The following TPO variants were observed in gnomAD, a reference collection of about 807,000 sequenced individuals.
TPO encodes the protein thyroid microsomal antigen.
A neutral mutation model predicts 96.9 loss-of-function variants in TPO; 78 were observed. The ratio of observed to expected loss-of-function variants is 0.81; its 90% CI spans 0.67 to 0.97. The LOEUF (loss-of-function observed/expected upper bound fraction) is 0.97, where lower values mean the gene tolerates loss of function less well. Among genes scored for constraint, TPO ranks in the 50% least tolerant of loss-of-function variants. The probability of loss-of-function intolerance (pLI) is 0.00; values close to 1 mark genes in which losing one functional copy is unlikely to be tolerated. For missense variants in TPO, 1,252 were observed against 1,274.8 expected (o/e 0.98, Z 0.27); for synonymous variants, 547 against 538.0 (o/e 1.02, Z -0.23).
intron 7 of TPO, among the ~76,000 whole-genome samples, chr2:1,468,053 C>G (rs1003886599): frequency 6.6e-6 from 1 of 151,576 alleles, no homozygotes; most frequent in Non-Finnish European, 1.5e-5. Flanking sequence ...CTTCTTCTAC[C>G]CCTTTACCTT....
chr2:1,503,794 G>T, intron 13 of TPO, 154 bp from the exon 14 acceptor site: 1 of 1,400,118 alleles, frequency 7.1e-7, no homozygotes, highest in Non-Finnish European at 9.9e-7. Context: ...GATGTGCCGG[G>T]AGCAGGGGGC....
chr2:1,376,964 ATTACT>A (rs1661732288), intron 1 of TPO, among the ~76,000 whole-genome samples: 1 of 152,170 alleles, frequency 6.6e-6, no homozygotes, highest in African/African-American at 2.4e-5. Flanking sequence ...TTACTTAAAA[ATTACT>A]TTATATTTGG....
At chr2:1,478,028 AACCC>A in intron 8 of TPO, 1 of 985,408 alleles carries the variant, frequency 1.0e-6, no homozygotes, top group Non-Finnish European at 1.2e-6. Context: ...TTCCCAGAAC[AACCC>A]TTGGAGGTGG....
At chr2:1,437,103 G>C (rs1035744178) in intron 5 of TPO, among the ~76,000 whole-genome samples, 19 of 152,238 alleles carry the variant, frequency 1.2e-4, no homozygotes, top group Non-Finnish European at 1.5e-5. Flanking sequence ...ATATGCGAGT[G>C]AGCCAAATCT....
chr2:1,406,186 T>C (rs1662246906), intron 1 of TPO, among the ~76,000 whole-genome samples: 1 of 152,184 alleles, frequency 6.6e-6, no homozygotes, highest in South Asian at 2.1e-4. Context: ...CTCTAGAAAT[T>C]ACTTAAGTGT....
At chr2:1,520,245 C>T (rs1396013174) in intron 15 of TPO, among the ~76,000 whole-genome samples, 6 of 152,212 alleles carry the variant, frequency 3.9e-5, no homozygotes, top group Non-Finnish European at 1.5e-5. Context: ...ATTCTGCTCC[C>T]AGCAAATGGG....
intron 15 of TPO, among the ~76,000 whole-genome samples, chr2:1,519,152 C>T (rs997715682): frequency 2.6e-5 from 4 of 152,246 alleles, no homozygotes; most frequent in African/African-American, 9.6e-5. Flanking sequence ...ATGTGGACTC[C>T]TGCCTCCAGA....
At chr2:1,415,758 C>T (rs1573084959) in intron 2 of TPO, among the ~76,000 whole-genome samples, 1 of 152,230 alleles carries the variant, frequency 6.6e-6, no homozygotes. Flanking sequence ...GGACTGGAGG[C>T]CTTGTCTGTC....
rs1317660348 is a variant in TPO at position 1,494,013 on chromosome 2, G to A, written c.1980G>A (p.Gln660=). 1 of 1,614,168 alleles carries A rather than the reference G, an allele frequency of 6.2e-7. No individual in the cohort carries two copies. Among genetic ancestry groups the A allele is most frequent in the South Asian group, 1.1e-5 (1 of 91,088 alleles). ...GPLFACLIGK[Q]MKALRDGDWF... ...TGTTTGCCTGTCTCATTGGGAAGCAGATGAAGGCTCTGCGGGACGGTGACT... is the reference window on the plus strand; with the variant it reads ...TGTTTGCCTGTCTCATTGGGAAGCAAATGAAGGCTCTGCGGGACGGTGACT... Residue 660 remains glutamine, a synonymous_variant, in exon 11 of 17, where the codon CAG becomes CAA. Transcript: ENST00000329066.
intron 2 of TPO, among the ~76,000 whole-genome samples, chr2:1,422,817 G>A (rs1663902760): frequency 6.6e-6 from 1 of 152,238 alleles, no homozygotes; most frequent in African/African-American, 2.4e-5. Flanking sequence ...AAGGTGAGTA[G>A]CTCTGATCCC....
At chr2:1,385,145 A>T (rs1159924678) in intron 1 of TPO, among the ~76,000 whole-genome samples, 1 of 152,190 alleles carries the variant, frequency 6.6e-6, no homozygotes, top group African/African-American at 2.4e-5. Context: ...ATCAGTGTTC[A>T]TCAGGGATAT....
At chr2:1,423,460 C>T (rs1446821499) in intron 3 of TPO, among the ~76,000 whole-genome samples, 1 of 152,116 alleles carries the variant, frequency 6.6e-6, no homozygotes. Context: ...AAAAGAGAGA[C>T]CTAGATCCCA....
chr2:1,542,581 C>A lies in TPO; in HGVS notation c.*107C>A. On this transcript the variant is annotated 3_prime_UTR_variant, in exon 17 of 17. Coordinates refer to ENST00000329066, the MANE Select transcript of TPO (RefSeq NM_001206744.2). ...GAAATCAGCAGGACGACTGTTTTCC[C>A]AACACGGGTAAATCTAGTACCATGT... The A allele has an allele frequency of 1.9e-6, 3 of 1,568,220 alleles. No individual in the cohort carries two copies. The highest frequency in any genetic ancestry group is 4.7e-5 in the East Asian group (2 of 42,546).
chr2:1,382,398 G>A (rs1415669804), intron 1 of TPO, among the ~76,000 whole-genome samples: 1 of 152,188 alleles, frequency 6.6e-6, no homozygotes, highest in Non-Finnish European at 1.5e-5. Context: ...TGGAAGCAGA[G>A]AGAAGGGGGC....
chr2:1,480,604 A>ACACACACC (rs1670465094), intron 8 of TPO, among the ~76,000 whole-genome samples: 1 of 141,434 alleles, frequency 7.1e-6, no homozygotes, highest in Non-Finnish European at 1.5e-5. Flanking sequence ...ACACACACAC[A>ACACACACC]CGAGCCAGCC....
intron 15 of TPO, among the ~76,000 whole-genome samples, chr2:1,537,917 C>T (rs1680217691): frequency 7.6e-6 from 1 of 131,762 alleles, no homozygotes; most frequent in African/African-American, 2.8e-5. Flanking sequence ...TGCAACCTGC[C>T]CAATTTCCCC....
rs1423260911 is a variant in TPO, at chr2:1,535,602, A to G, written c.2619-4992A>G. ...CCCCCCACTGCGAAGACCTCCTCAA[A>G]TTGCCCCGCAGTGTACAACCTCCTC... On this transcript the variant is annotated intron_variant, in intron 15 of 16. Coordinates refer to ENST00000329066, the MANE Select transcript of TPO (RefSeq NM_001206744.2). 3.1e-5 allele frequency among the ~76,000 whole-genome samples: 2 copies of G among 64,436 alleles called. 1 individual carries two copies. The highest frequency in any genetic ancestry group is 1.2e-4 in the African/African-American group (2 of 17,364). The allele number at this position is 64,436 out of a possible 152,430, so 42.3% of individuals were successfully genotyped here. A position where few individuals can be genotyped will look rare whatever the true frequency, so the allele number is the denominator to read the frequency against.
At chr2:1,516,692 G>A (rs927507923) in intron 14 of TPO, among the ~76,000 whole-genome samples, 191 bp from the exon 15 acceptor site, 1 of 152,174 alleles carries the variant, frequency 6.6e-6, no homozygotes, top group African/African-American at 2.4e-5. Context: ...CCCCACACAC[G>A]TCACATTCGG....
Position 1,493,184 on chromosome 2 carries a change from A to G in TPO, c.1769-618A>G, listed in dbSNP as rs182279574. Among the ~76,000 whole-genome samples, 406 of 96,314 alleles carry G rather than the reference A, an allele frequency of 4.2e-3. 3 individuals carry two copies. Among genetic ancestry groups the G allele is most frequent in the African/African-American group, 0.016 (395 of 24,618 alleles). The allele number at this position is 96,314 out of a possible 152,430, so 63.2% of individuals were successfully genotyped here. ...GATGAGTGGCCAGACAGATAAAGAT[A>G]TTTGTGTGTGTGTGTGTGAGTGGGT... On this transcript the variant is annotated intron_variant, in intron 10 of 16. Coordinates refer to ENST00000329066, the MANE Select transcript of TPO (RefSeq NM_001206744.2).
Sources: gnomAD v4.1 joint callset for allele counts (sites outside exome capture counted in the v4.1 genomes callset) on GRCh38, gnomAD v4.1.1 for gene constraint, MANE v1.5 for transcripts, NCBI Gene and HGNC (gene_info 2026-07-23, HGNC 2026-07-21) for gene names.